The following FTO variants were observed in gnomAD, a reference collection of about 807,000 sequenced individuals.
FTO encodes the protein alpha-ketoglutarate-dependent dioxygenase FTO.
FTO carries 47 observed loss-of-function variants against 63.9 expected under a neutral mutation model. The ratio of observed to expected loss-of-function variants is 0.74; its 90% CI spans 0.58 to 0.94. The LOEUF (loss-of-function observed/expected upper bound fraction) is 0.94, where lower values mean the gene tolerates loss of function less well. Among genes scored for constraint, FTO ranks in the 40% least tolerant of loss-of-function variants. The probability of loss-of-function intolerance (pLI) is 0.00; values close to 1 mark genes in which losing one functional copy is unlikely to be tolerated. For missense variants in FTO, 562 were observed against 618.1 expected (o/e 0.91, Z 0.96); for synonymous variants, 207 against 224.4 (o/e 0.92, Z 0.69).
intron 4 of FTO, among the ~76,000 whole-genome samples, chr16:53,850,911 T>C (rs1016181511): frequency 4.8e-4 from 73 of 152,238 alleles, no homozygotes; most frequent in African/African-American, 1.7e-3. Context: ...GTTTTGCAGC[T>C]TTTGCTCAAA....
chr16:54,012,399 A>T (rs970745592), intron 8 of FTO, among the ~76,000 whole-genome samples: 6 of 152,330 alleles, frequency 3.9e-5, no homozygotes, highest in South Asian at 4.1e-4. Context: ...TTAAGAAAAG[A>T]AACTGTCTCC....
intron 4 of FTO, among the ~76,000 whole-genome samples, chr16:53,872,866 A>G (rs577086848): frequency 7.7e-4 from 117 of 152,226 alleles, no homozygotes; most frequent in African/African-American, 2.2e-3. Flanking sequence ...CTTTTTTTGT[A>G]ATAGAGGAAG....
intron 1 of FTO, among the ~76,000 whole-genome samples, chr16:53,705,968 T>C (rs2151451631): frequency 6.6e-6 from 1 of 152,298 alleles, no homozygotes; most frequent in East Asian, 1.9e-4. Context: ...GTCATCCATA[T>C]TTTAGAGATT....
At chr16:53,949,925 A>G (rs1011994893) in intron 8 of FTO, among the ~76,000 whole-genome samples, 9 of 152,068 alleles carry the variant, frequency 5.9e-5, no homozygotes, top group Admixed American at 2.6e-4. Flanking sequence ...GAAAGCAAAG[A>G]CTGACAGTTC....
chr16:54,105,117 A>C (rs1434615414), intron 8 of FTO, among the ~76,000 whole-genome samples: 1 of 152,214 alleles, frequency 6.6e-6, no homozygotes, highest in Non-Finnish European at 1.5e-5. Context: ...ATTTTTCTCA[A>C]GGTCACCCAG....
intron 4 of FTO, among the ~76,000 whole-genome samples, chr16:53,868,358 T>G (rs2080392753): frequency 1.3e-5 from 2 of 152,196 alleles, no homozygotes; most frequent in East Asian, 3.8e-4. Context: ...CATATGTATT[T>G]TTTTACTTTT....
intron 8 of FTO, among the ~76,000 whole-genome samples, chr16:53,997,890 A>G (rs1214123872): frequency 6.6e-6 from 1 of 152,238 alleles, no homozygotes; most frequent in Non-Finnish European, 1.5e-5. Flanking sequence ...GGTGACTTCC[A>G]CAGTCAAATA....
intron 8 of FTO, among the ~76,000 whole-genome samples, chr16:53,975,010 T>C (rs1052718626): frequency 5.9e-5 from 9 of 152,180 alleles, no homozygotes; most frequent in East Asian, 5.8e-4. Context: ...TTTGTGTATT[T>C]AATACTAGAG....
intron 8 of FTO, among the ~76,000 whole-genome samples, chr16:53,956,296 G>A (rs1347916912): frequency 6.6e-6 from 1 of 152,138 alleles, no homozygotes; most frequent in Non-Finnish European, 1.5e-5. Flanking sequence ...TATGCTAAAT[G>A]TCAGAACCAA....
chr16:53,815,191 A>T (rs952951358), intron 2 of FTO, among the ~76,000 whole-genome samples: 2 of 152,050 alleles, frequency 1.3e-5, no homozygotes, highest in Non-Finnish European at 2.9e-5. Flanking sequence ...AGGCATGAGA[A>T]GGCTTGGAGC....
rs372013339 is a variant in FTO at position 53,704,235 on chromosome 16, T to A, written c.45+6T>A. ...AACGAGAGCGCGAAGCTAAGGTATG[T>A]CGGGCTCCCGGGGCCTGGAGATCTT... is the stretch of plus-strand genomic sequence containing the variant. On this transcript the variant is annotated splice_donor_region_variant and intron_variant, in intron 1 of 8. Coordinates refer to ENST00000471389, the MANE Select transcript of FTO (RefSeq NM_001080432.3). The A allele has an allele frequency of 6.4e-7, 1 of 1,551,292 alleles. No individual in the cohort carries two copies. The highest frequency in any genetic ancestry group is 8.7e-7 in the Non-Finnish European group (1 of 1,146,792).
At chr16:53,772,909 C>T (rs955392504) in intron 1 of FTO, among the ~76,000 whole-genome samples, 1 of 152,036 alleles carries the variant, frequency 6.6e-6, no homozygotes, top group Admixed American at 6.6e-5. Flanking sequence ...TCATATTTGT[C>T]TTACAGATTC....
chr16:53,816,510 C>T (rs887959801), intron 2 of FTO, among the ~76,000 whole-genome samples: 1 of 147,702 alleles, frequency 6.8e-6, no homozygotes, highest in African/African-American at 2.5e-5. Flanking sequence ...CCCCCCCTCA[C>T]ACTTTTCTTC....
chr16:54,114,236 CCT>C lies in FTO; in HGVS notation c.*2324_*2325del, dbSNP rs1164404216. ...ACCCAGCCTATGGTTTGCCATACTC[CCT>C]CTTTTTCTCCGTTTTTTCATTAATT... On this transcript the variant is annotated 3_prime_UTR_variant, in exon 9 of 9. Transcript: ENST00000471389. 1 of 152,150 alleles carries C rather than the reference CCT, an allele frequency of 6.6e-6. No individual in the cohort carries two copies. Among genetic ancestry groups the C allele is most frequent in the Non-Finnish European group, 1.5e-5 (1 of 68,034 alleles). The allele number at this position is 152,150 out of a possible 1,614,324, so 9.4% of individuals were successfully genotyped here.
At chr16:53,797,265 T>C (rs2078101366) in intron 1 of FTO, among the ~76,000 whole-genome samples, 2 of 152,220 alleles carry the variant, frequency 1.3e-5, no homozygotes, top group African/African-American at 4.8e-5. Context: ...TGTCCATAAG[T>C]TTAATAAACC....
At chr16:54,107,122 CAT>C (rs1168956858) in intron 8 of FTO, among the ~76,000 whole-genome samples, 153 of 149,144 alleles carry the variant, frequency 1.0e-3, no homozygotes, top group African/African-American at 3.5e-3. Context: ...ACATATAAAG[CAT>C]ATGTTTACAA....
At chr16:53,917,625 T>G (rs1879741931) in intron 7 of FTO, among the ~76,000 whole-genome samples, 1 of 152,106 alleles carries the variant, frequency 6.6e-6, no homozygotes, top group Non-Finnish European at 1.5e-5. Flanking sequence ...TCATGGCTAC[T>G]ATTAATATGT....
intron 1 of FTO, among the ~76,000 whole-genome samples, chr16:53,744,007 G>T (rs766985136): frequency 2.0e-5 from 3 of 152,262 alleles, no homozygotes; most frequent in South Asian, 4.1e-4. Flanking sequence ...ACCATAGTTT[G>T]GTTGCAAGTA....
At chr16:53,917,956 A>G (rs1005542717) in intron 7 of FTO, among the ~76,000 whole-genome samples, 2 of 152,100 alleles carry the variant, frequency 1.3e-5, no homozygotes, top group African/African-American at 2.4e-5. Context: ...TTAAGTTTTA[A>G]TCGTTACAAT....
Sources: gnomAD v4.1 joint callset for allele counts (sites outside exome capture counted in the v4.1 genomes callset) on GRCh38, gnomAD v4.1.1 for gene constraint, MANE v1.5 for transcripts, NCBI Gene and HGNC (gene_info 2026-07-23, HGNC 2026-07-21) for gene names.